The following PIP5K1C variants were observed in gnomAD, a reference collection of about 807,000 sequenced individuals.
PIP5K1C encodes phosphatidylinositol 4-phosphate 5-kinase type-1 gamma.
PIP5K1C carries 45 observed loss-of-function variants against 80.1 expected under a neutral mutation model. That is an observed-to-expected ratio of 0.56 (90% CI 0.44 to 0.72). The LOEUF (loss-of-function observed/expected upper bound fraction) is 0.72, where lower values mean the gene tolerates loss of function less well. PIP5K1C is among the 30% of genes least tolerant of loss of function. PIP5K1C has a pLI of 0.00. For synonymous variants in PIP5K1C, 498 were observed against 420.1 expected, an observed-to-expected ratio of 1.19 and a Z score of -2.27; for missense variants, 753 against 954.6, an observed-to-expected ratio of 0.79 and a Z score of 2.78.
intron 3 of PIP5K1C, among the ~76,000 whole-genome samples, chr19:3,664,359 A>G (rs1471380813): frequency 6.6e-6 from 1 of 152,210 alleles, no homozygotes; most frequent in Non-Finnish European, 1.5e-5. Flanking sequence ...TGTACAGTAT[A>G]TGAATCACAT....
chr19:3,652,907 G>T (rs1599968401), intron 7 of PIP5K1C, among the ~76,000 whole-genome samples: 1 of 152,184 alleles, frequency 6.6e-6, no homozygotes, highest in East Asian at 1.9e-4. Context: ...GTAACCTCCA[G>T]AGGAACCACT....
chr19:3,646,468 G>A (rs2034217509), intron 10 of PIP5K1C, among the ~76,000 whole-genome samples: 1 of 152,158 alleles, frequency 6.6e-6, no homozygotes. Context: ...TGGGTGAGGA[G>A]TGGCCACGTA....
At chr19:3,691,189 A>C (rs2035937764) in intron 1 of PIP5K1C, among the ~76,000 whole-genome samples, 1 of 152,226 alleles carries the variant, frequency 6.6e-6, no homozygotes, top group African/African-American at 2.4e-5. Flanking sequence ...TGACGCAGTG[A>C]GGGAAGAAGT....
At chr19:3,638,257 C>A (rs1289276315) in intron 16 of PIP5K1C, among the ~76,000 whole-genome samples, 2 of 152,182 alleles carry the variant, frequency 1.3e-5, no homozygotes, top group African/African-American at 4.8e-5. Flanking sequence ...AGCCACCTCA[C>A]CCAGACCCTG....
chr19:3,695,841 A>G (rs2036085665), intron 1 of PIP5K1C, among the ~76,000 whole-genome samples: 1 of 150,354 alleles, frequency 6.7e-6, no homozygotes. Context: ...CTCCTGCCTC[A>G]GCCTCCTGAG....
chr19:3,690,887 G>A lies in PIP5K1C; in HGVS notation c.94+9410C>T, dbSNP rs527794946. 6.6e-5 allele frequency among the ~76,000 whole-genome samples: 10 copies of A among 152,306 alleles called. No homozygotes were observed. In the East Asian group the frequency reaches 7.7e-4, roughly 12 times the overall value. ...AGGAACTGTGCAAGGAAAATGGGCC[G>A]GGGAGGGTGGAGGTCGGGGCCACGG... is the stretch of plus-strand genomic sequence containing the variant. On this transcript the variant is annotated intron_variant, in intron 1 of 17. Transcript: ENST00000335312.
intron 1 of PIP5K1C, among the ~76,000 whole-genome samples, chr19:3,699,391 A>G (rs189506162): frequency 1.3e-5 from 2 of 151,252 alleles, no homozygotes; most frequent in Non-Finnish European, 1.5e-5. Context: ...CATCTCCCCA[A>G]CTCCCAGGCA....
At position 3,651,808 on chromosome 19, in the gene PIP5K1C, G is replaced by A. The variant is rs142832137; in HGVS notation, c.1127+18C>T. 1.3e-3 allele frequency: 2,169 copies of A among 1,607,428 alleles called. 4 individuals are homozygous for A. Among genetic ancestry groups the A allele is most frequent in the Middle Eastern group, 4.9e-3 (23 of 4,704 alleles). Reference sequence around the variant, plus strand: ...GGAAGGGAAGCGGGACGGGTCCGGCGGCCCCCCGCCCACCTACGTGTCATC... The same window carrying A: ...GGAAGGGAAGCGGGACGGGTCCGGCAGCCCCCCGCCCACCTACGTGTCATC... On this transcript the variant is annotated intron_variant, in intron 8 of 17. Coordinates refer to ENST00000335312, the MANE Select transcript of PIP5K1C (RefSeq NM_012398.3).
intron 1 of PIP5K1C, among the ~76,000 whole-genome samples, chr19:3,676,549 C>G (rs898241856): frequency 1.3e-5 from 2 of 152,222 alleles, no homozygotes; most frequent in African/African-American, 2.4e-5. Flanking sequence ...CTTCGCCCCC[C>G]ACGGCCCACT....
chr19:3,643,197 G>GCA (rs1568315090), intron 13 of PIP5K1C, 46 bp downstream of exon 13: 3 of 1,608,232 alleles, frequency 1.9e-6, no homozygotes, highest in South Asian at 1.1e-5. Flanking sequence ...CCGCCCCCAC[G>GCA]CACAGCGGAT....
In PIP5K1C at chr19:3,692,996, C is replaced by T. The variant is rs903579777; in HGVS notation, c.94+7301G>A. Among the ~76,000 whole-genome samples, 9 of 152,174 alleles carry T rather than the reference C, an allele frequency of 5.9e-5. No individual in the cohort carries two copies. Among genetic ancestry groups the T allele is most frequent in the African/African-American group, 1.7e-4 (7 of 41,514 alleles). On this transcript the variant is annotated intron_variant, in intron 1 of 17. Coordinates refer to ENST00000335312, the MANE Select transcript of PIP5K1C (RefSeq NM_012398.3). This position sits in a 1 kb window ranked among gnomAD's most constrained non-coding sequence, Gnocchi z 5.2. ...GAGTCCCCAGCCTTGAGGGCACCTC[C>T]GCCGCCACTCTCTCCCCTCCTCTGC...
chr19:3,653,645 G>A (rs1456849067), intron 6 of PIP5K1C, 56 bp from the exon 7 acceptor site: 2 of 1,520,264 alleles, frequency 1.3e-6, no homozygotes, highest in South Asian at 1.2e-5. Flanking sequence ...ACTCACGGGG[G>A]CGGGCAAAGC....
intron 1 of PIP5K1C, among the ~76,000 whole-genome samples, chr19:3,678,300 G>A (rs2035458692): frequency 2.2e-5 from 3 of 137,320 alleles, no homozygotes; most frequent in Admixed American, 7.1e-5. Flanking sequence ...ATGGAGGGAT[G>A]GAGGGACGGA....
At chr19:3,662,103 G>C in intron 3 of PIP5K1C, 102 bp from the exon 4 acceptor site, 2 of 1,421,276 alleles carry the variant, frequency 1.4e-6, no homozygotes, top group Non-Finnish European at 1.9e-6. Flanking sequence ...CTGCAGCTTG[G>C]GACCCGGCAC....
chr19:3,638,545 G>A (rs371381931), intron 16 of PIP5K1C, among the ~76,000 whole-genome samples: 7 of 152,364 alleles, frequency 4.6e-5, no homozygotes, highest in African/African-American at 1.7e-4. Context: ...TGAGGACTCC[G>A]GACGACTTCC....
rs1355489062 is a variant in PIP5K1C at position 3,637,419 on chromosome 19, G to A, written c.1920+1465C>T. On this transcript the variant is annotated intron_variant, in intron 16 of 17. Transcript: ENST00000335312. The surrounding 1 kb of genome is among the most constrained non-coding windows in gnomAD (Gnocchi z 7.0). Reference sequence around the variant, plus strand: ...CAATTGCAGCCGTGATTTACCCAAAGCCCTTCTGGAAAACAACTGACGTCA... The same window carrying A: ...CAATTGCAGCCGTGATTTACCCAAAACCCTTCTGGAAAACAACTGACGTCA... 1.0e-5 allele frequency: 16 copies of A among 1,535,484 alleles called. No homozygotes were observed. The East Asian group carries it at 2.9e-4, about 28-fold the overall frequency.
At chr19:3,666,436 A>T (rs2035010586) in intron 2 of PIP5K1C, among the ~76,000 whole-genome samples, 1 of 152,260 alleles carries the variant, frequency 6.6e-6, no homozygotes, top group Non-Finnish European at 1.5e-5. Flanking sequence ...GGCAGCAATG[A>T]CAGGACCCAT....
chr19:3,652,146 G>C, intron 7 of PIP5K1C, 115 bp from the exon 8 acceptor site: 1 of 885,008 alleles, frequency 1.1e-6, no homozygotes, highest in Non-Finnish European at 1.8e-6. Context: ...GGGTGTGAGA[G>C]ATGGAGTCCC....
At chr19:3,677,932 AATGGAGG>A (rs2035424432) in intron 1 of PIP5K1C, among the ~76,000 whole-genome samples, 1 of 50,636 alleles carries the variant, frequency 2.0e-5, no homozygotes, top group Non-Finnish European at 3.9e-5. Context: ...AGGGATGGAG[AATGGAGG>A]GATGGAGGGA....
Sources: allele counts gnomAD v4.1 joint callset (sites outside exome capture counted in the v4.1 genomes callset), GRCh38; gene constraint gnomAD v4.1.1; non-coding constraint Gnocchi (gnomAD v3.1); transcripts MANE v1.5; gene names NCBI Gene and HGNC (gene_info 2026-07-23, HGNC 2026-07-21).